The following CDH13 variants were observed in gnomAD, a reference collection of about 807,000 sequenced individuals.
CDH13 encodes the protein cadherin-13.
In CDH13, 24 loss-of-function variants were observed where a neutral mutation model predicts 63.8. That is an observed-to-expected ratio of 0.38 (90% confidence interval 0.27 to 0.53). The LOEUF (loss-of-function observed/expected upper bound fraction) is 0.53. Ranked by LOEUF, CDH13 falls within the 20% of genes least tolerant of loss-of-function variation. The probability of loss-of-function intolerance (pLI) is 0.85; values close to 1 mark genes in which losing one functional copy is unlikely to be tolerated. For missense variants in CDH13, 1,049 were observed against 903.1 expected (o/e 1.16, Z -2.07); for synonymous variants, 503 against 355.3 (o/e 1.42, Z -4.67).
At chr16:83,317,065 G>T (rs1030480028) in intron 5 of CDH13, among the ~76,000 whole-genome samples, 4 of 152,206 alleles carry the variant, frequency 2.6e-5, no homozygotes, top group African/African-American at 7.2e-5. Context: ...CACAACTCAA[G>T]GGAAGATGTT....
At chr16:83,754,430 C>T (rs767619378) in intron 11 of CDH13, among the ~76,000 whole-genome samples, 5 of 152,116 alleles carry the variant, frequency 3.3e-5, no homozygotes, top group South Asian at 2.1e-4. Context: ...ACTTGCAATG[C>T]GGCCTGACCC....
At chr16:83,498,823 G>C (rs1273115819) in intron 7 of CDH13, among the ~76,000 whole-genome samples, 1 of 152,202 alleles carries the variant, frequency 6.6e-6, no homozygotes, top group Non-Finnish European at 1.5e-5. Context: ...ATTCTCATCA[G>C]GCCATAGGCT....
intron 2 of CDH13, among the ~76,000 whole-genome samples, chr16:82,875,164 G>C (rs868511412): frequency 6.6e-6 from 1 of 152,212 alleles, no homozygotes; most frequent in Non-Finnish European, 1.5e-5. Flanking sequence ...CAAAGTTTTT[G>C]CGTATGACAA....
intron 7 of CDH13, among the ~76,000 whole-genome samples, chr16:83,538,909 C>T (rs899423501): frequency 2.0e-5 from 3 of 152,132 alleles, no homozygotes; most frequent in Non-Finnish European, 2.9e-5. Flanking sequence ...AGTCATCCTT[C>T]GCAAATATCA....
intron 5 of CDH13, among the ~76,000 whole-genome samples, chr16:83,324,551 G>C (rs760065917): frequency 3.3e-5 from 5 of 152,142 alleles, no homozygotes; most frequent in Non-Finnish European, 5.9e-5. Context: ...TGTTTTCCAG[G>C]TTCCCCCATG....
intron 7 of CDH13, among the ~76,000 whole-genome samples, chr16:83,600,690 T>C (rs575207094): frequency 9.8e-5 from 15 of 152,334 alleles, no homozygotes; most frequent in Admixed American, 9.1e-4. Context: ...ACACCTATTA[T>C]TTTTGTTACT....
At chr16:83,098,787 A>AT (rs1247900994) in intron 3 of CDH13, among the ~76,000 whole-genome samples, 1 of 152,084 alleles carries the variant, frequency 6.6e-6, no homozygotes, top group Non-Finnish European at 1.5e-5. Context: ...TCAAGAATTT[A>AT]TTTTTATTAG....
chr16:83,770,820 A>G (rs1223587082), intron 11 of CDH13, among the ~76,000 whole-genome samples: 1 of 152,076 alleles, frequency 6.6e-6, no homozygotes, highest in African/African-American at 2.4e-5. Context: ...CTGTACTGCA[A>G]CCTGTTTTAT....
intron 11 of CDH13, among the ~76,000 whole-genome samples, chr16:83,775,589 G>T (rs1915053448): frequency 6.6e-6 from 1 of 152,054 alleles, no homozygotes; most frequent in African/African-American, 2.4e-5. Flanking sequence ...TCCATTTCTG[G>T]GTGTTTTGCT....
intron 5 of CDH13, among the ~76,000 whole-genome samples, chr16:83,219,453 C>T (rs79801580): frequency 0.017 from 2,560 of 152,204 alleles, 24 homozygotes; most frequent in Non-Finnish European, 0.026. Context: ...ACTTCTTATC[C>T]TGGAAAATGG....
chr16:83,761,859 T>C (rs1913996552), intron 11 of CDH13, among the ~76,000 whole-genome samples: 1 of 152,010 alleles, frequency 6.6e-6, no homozygotes, highest in African/African-American at 2.4e-5. Context: ...TTAAGGTCAG[T>C]AGTTCGATAC....
At chr16:82,853,001 G>A (rs1036114192) in intron 1 of CDH13, among the ~76,000 whole-genome samples, 6 of 152,154 alleles carry the variant, frequency 3.9e-5, no homozygotes, top group Non-Finnish European at 1.5e-5. Flanking sequence ...AAGAAAGAAC[G>A]AAAGTTCTGT....
chr16:83,047,287 G>C lies in CDH13; in HGVS notation c.366+15069G>C, dbSNP rs1193622350. On this transcript the variant is annotated intron_variant, in intron 3 of 13. Transcript: ENST00000567109. The surrounding 1 kb of genome is among the most constrained non-coding windows in gnomAD (Gnocchi z 4.9). ...GTAAAGGCCTCTGCTGTGAATTTAAGTCATCTAATCAAAATGCATTATTTC... is the reference window on the plus strand; with the variant it reads ...GTAAAGGCCTCTGCTGTGAATTTAACTCATCTAATCAAAATGCATTATTTC... 6.6e-6 allele frequency among the ~76,000 whole-genome samples: 1 copy of C among 152,086 alleles called. No individual in the cohort carries two copies. Among genetic ancestry groups the C allele is most frequent in the African/African-American group, 2.4e-5 (1 of 41,410 alleles).
rs114571008 is a variant in CDH13, at chr16:83,003,202, C to T, written c.158-28808C>T. 4.1e-3 allele frequency among the ~76,000 whole-genome samples: 618 copies of T among 152,268 alleles called. 6 individuals carry two copies. Among genetic ancestry groups the T allele is most frequent in the African/African-American group, 0.014 (574 of 41,550 alleles). ...TGACAGTCTTGATAAGCCCAGCTGG[C>T]CTCTGAGGCCAATGCAAATATATTT... On this transcript the variant is annotated intron_variant, in intron 2 of 13. Transcript: ENST00000567109.
intron 3 of CDH13, among the ~76,000 whole-genome samples, chr16:83,103,137 G>C (rs1200043579): frequency 6.6e-6 from 1 of 150,822 alleles, no homozygotes; most frequent in Admixed American, 6.6e-5. Context: ...ATCTTTAGTA[G>C]AGATGGGGTT....
At chr16:83,339,994 G>A (rs1258986070) in intron 5 of CDH13, among the ~76,000 whole-genome samples, 2 of 152,248 alleles carry the variant, frequency 1.3e-5, no homozygotes, top group East Asian at 3.9e-4. Flanking sequence ...ATCACACCAA[G>A]GCTAAGGCAA....
intron 2 of CDH13, among the ~76,000 whole-genome samples, chr16:82,946,410 A>G (rs1904721927): frequency 6.6e-6 from 1 of 152,212 alleles, no homozygotes; most frequent in Non-Finnish European, 1.5e-5. Context: ...CTATTTCATC[A>G]TATAAAATTA....
intron 7 of CDH13, among the ~76,000 whole-genome samples, chr16:83,560,901 C>CCA (rs1567764634): frequency 6.7e-4 from 94 of 139,422 alleles, no homozygotes; most frequent in African/African-American, 2.5e-3. Flanking sequence ...TAAGGTTGGC[C>CCA]CCCCCCCCGC....
intron 10 of CDH13, among the ~76,000 whole-genome samples, chr16:83,732,799 C>G (rs2150953094): frequency 6.6e-6 from 1 of 152,330 alleles, no homozygotes; most frequent in East Asian, 1.9e-4. Context: ...TTCAGCTGCA[C>G]TTGTCATCAC....
Sources: allele counts gnomAD v4.1 joint callset (sites outside exome capture counted in the v4.1 genomes callset), GRCh38; gene constraint gnomAD v4.1.1; non-coding constraint Gnocchi (gnomAD v3.1); transcripts MANE v1.5; gene names NCBI Gene and HGNC (gene_info 2026-07-23, HGNC 2026-07-21).